The following ZNF43 variants were observed in gnomAD, a reference collection of about 807,000 sequenced individuals.
ZNF43 encodes zinc finger protein 39-like 1 (KOX 27).
Under a neutral mutation model 68.4 loss-of-function variants are expected in ZNF43, and 44 were observed. The ratio of observed to expected loss-of-function variants is 0.64; its 90% CI spans 0.51 to 0.83. The LOEUF is 0.83. Among genes scored for constraint, ZNF43 ranks in the 40% least tolerant of loss-of-function variants. ZNF43 has a pLI of 0.00. For synonymous variants in ZNF43, 308 were observed against 307.8 expected (o/e 1.00, Z -0.01); for missense variants, 896 against 933.2 (o/e 0.96, Z 0.52).
chr19:21,824,747 AAAAAG>A (rs2038029927), intron 1 of ZNF43, among the ~76,000 whole-genome samples: 1 of 151,724 alleles, frequency 6.6e-6, no homozygotes, highest in African/African-American at 2.4e-5. Context: ...AAAAAAAAAA[AAAAAG>A]AAAAAAGAAA....
At chr19:21,850,133 C>T (rs1251812998) in intron 1 of ZNF43, among the ~76,000 whole-genome samples, 1 of 151,906 alleles carries the variant, frequency 6.6e-6, no homozygotes, top group Non-Finnish European at 1.5e-5. Context: ...GTGGTCCAGG[C>T]CCAGGCAGGA....
intron 1 of ZNF43, among the ~76,000 whole-genome samples, chr19:21,824,110 CGGGAGGCGGAGCTT>C (rs1384794963): frequency 6.6e-6 from 1 of 152,048 alleles, no homozygotes; most frequent in Non-Finnish European, 1.5e-5. Context: ...GACATGAACC[CGGGAGGCGGAGCTT>C]GCAGTGCACC....
At chr19:21,833,271 A>C (rs2038510309) in intron 1 of ZNF43, among the ~76,000 whole-genome samples, 1 of 151,916 alleles carries the variant, frequency 6.6e-6, no homozygotes, top group African/African-American at 2.4e-5. Flanking sequence ...ATTTTATTTT[A>C]TTTATTTATT....
chr19:21,835,580 C>T (rs1286370334), intron 1 of ZNF43, among the ~76,000 whole-genome samples: 1 of 151,942 alleles, frequency 6.6e-6, no homozygotes, highest in African/African-American at 2.4e-5. Flanking sequence ...TGCTCTCGAA[C>T]TCCTCACCTC....
chr19:21,819,929 T>G (rs1338452470), intron 1 of ZNF43, among the ~76,000 whole-genome samples: 1 of 152,088 alleles, frequency 6.6e-6, no homozygotes, highest in Non-Finnish European at 1.5e-5. Flanking sequence ...CCGGGCATGG[T>G]GGCTCACACC....
chr19:21,851,978 G>A, exon 1 of ZNF43: 2 of 1,533,990 alleles, frequency 1.3e-6, no homozygotes, highest in East Asian at 2.5e-5. Flanking sequence ...CAGGGTAACG[G>A]AGGCTGCGAC....
At chr19:21,839,466 T>C (rs1967366510), upstream of ZNF43, 1 of 151,234 alleles carries the variant, frequency 6.6e-6, no homozygotes, top group South Asian at 2.1e-4. Flanking sequence ...GACTAAGCGA[T>C]ATGTTACAGT....
chr19:21,826,204 C>G (rs908302805), intron 1 of ZNF43, among the ~76,000 whole-genome samples: 33 of 152,108 alleles, frequency 2.2e-4, no homozygotes, highest in Non-Finnish European at 2.9e-4. Context: ...TAGGGGACAT[C>G]ATACACTTTG....
At position 21,836,133 on chromosome 19, in the gene ZNF43, G is replaced by A; in HGVS notation, c.-95C>T. 6 of 1,598,392 alleles carry A rather than the reference G, an allele frequency of 3.8e-6. No individual in the cohort carries two copies. Among genetic ancestry groups the A allele is most frequent in the Non-Finnish European group, 5.1e-6 (6 of 1,171,930 alleles). Reference sequence around the variant, plus strand: ...AGAGGCTGGACCTCTAGCAGCAGAGGACACAGAAGAACGAAGACGAGACGC... The same window carrying A: ...AGAGGCTGGACCTCTAGCAGCAGAGAACACAGAAGAACGAAGACGAGACGC... On this transcript the variant is annotated 5_prime_UTR_variant, in exon 1 of 4. Coordinates refer to ENST00000354959, the MANE Select transcript of ZNF43 (RefSeq NM_003423.4).
Position 21,808,879 on chromosome 19 carries a change from A to C in ZNF43, c.1158T>G (p.Thr386=), listed in dbSNP as rs1386562168. Residue 386 remains threonine, a synonymous_variant, in exon 4 of 4, where the codon ACT becomes ACG. Transcript: ENST00000354959. ...GEAFSRSSNL[T]KHKKIHTEKK... is the part of the protein sequence containing the mutation. ...TTTCAGTATGAATTTTCTTATGTTTAGTAAGGTTTGAGGACCGGCTAAAAG... is the reference window on the plus strand; with the variant it reads ...TTTCAGTATGAATTTTCTTATGTTTCGTAAGGTTTGAGGACCGGCTAAAAG... The C allele has an allele frequency of 6.2e-7, 1 of 1,613,838 alleles. No homozygotes were observed. Among genetic ancestry groups the C allele is most frequent in the Non-Finnish European group, 8.5e-7 (1 of 1,179,858 alleles).
At chr19:21,838,930 G>C (rs1382702318), upstream of ZNF43, 1 of 152,142 alleles carries the variant, frequency 6.6e-6, no homozygotes, top group Non-Finnish European at 1.5e-5. Context: ...TTAGAAATTT[G>C]TCGTAATCTT....
chr19:21,807,876 G>A lies in ZNF43; in HGVS notation c.2161C>T (p.Leu721Phe), dbSNP rs757759427. 8.7e-6 allele frequency: 14 copies of A among 1,613,024 alleles called. No homozygotes were observed. The highest frequency in any genetic ancestry group is 1.0e-5 in the Non-Finnish European group (12 of 1,179,748). The stretch of plus-strand genomic sequence containing the variant: ...GTATGAATTTTCTTATGTTCAATAA[G>A]GTTTGAGGATCGGTTAAAAGCTTTG... ...CGKAFNRSSN[L>F]IEHKKIHTGE... Residue 721 changes from leucine to phenylalanine, a missense_variant, in exon 4 of 4, where the codon CTT becomes TTT. By Grantham distance (22) the Leu-to-Phe change is conservative. Coordinates refer to ENST00000354959, the MANE Select transcript of ZNF43 (RefSeq NM_003423.4).
intron 1 of ZNF43, among the ~76,000 whole-genome samples, chr19:21,847,981 C>G (rs767728815): frequency 6.6e-6 from 1 of 151,980 alleles, no homozygotes; most frequent in African/African-American, 2.4e-5. Context: ...CACCACCATG[C>G]CCGGCTAATT....
chr19:21,835,833 G>A (rs998954412), intron 1 of ZNF43, among the ~76,000 whole-genome samples: 2 of 152,246 alleles, frequency 1.3e-5, no homozygotes, highest in Admixed American at 6.5e-5. Context: ...GAGGGCTGCA[G>A]GCCGGGACAC....
chr19:21,815,189 CAA>C (rs34985754), intron 3 of ZNF43, among the ~76,000 whole-genome samples: 22 of 129,800 alleles, frequency 1.7e-4, no homozygotes, highest in Non-Finnish European at 2.1e-4. Context: ...AACTCCATTT[CAA>C]AAAAAAAAAA....
intron 1 of ZNF43, among the ~76,000 whole-genome samples, chr19:21,820,469 T>G (rs2037767505): frequency 6.6e-6 from 1 of 150,528 alleles, no homozygotes; most frequent in Admixed American, 6.6e-5. Flanking sequence ...TCCCAGCTAC[T>G]CAGGTGGTTG....
Position 21,819,209 on chromosome 19 carries a change from A to T in ZNF43, c.16T>A (p.Phe6Ile). 6.3e-7 allele frequency: 1 copy of T among 1,597,688 alleles called. No individual in the cohort carries two copies. ...CAGAATTCTATGGCCACATCCATAA[A>T]TGTCAATGGTCCCTAAAAAAAACAA... The part of the protein sequence containing the change: MGPLT[F>I]MDVAIEFCLE... The change falls in exon 2 of 4, where the codon TTT becomes ATT. Residue 6 changes from phenylalanine (F) to isoleucine (I), a missense_variant. Transcript: ENST00000354959.
At position 21,821,332 on chromosome 19, in the gene ZNF43, G is replaced by A. The variant is rs780757497; in HGVS notation, c.4-2111C>T. ...TGCTATTTTTTTTGTATTTTTTTTCGTAGAGACGGGGTTTCACCGTGTTAC... is the reference window on the plus strand; with the variant it reads ...TGCTATTTTTTTTGTATTTTTTTTCATAGAGACGGGGTTTCACCGTGTTAC... On this transcript the variant is annotated intron_variant, in intron 1 of 3. Transcript: ENST00000354959. Among the ~76,000 whole-genome samples, 4 of 151,310 alleles carry A rather than the reference G, an allele frequency of 2.6e-5. No individual in the cohort carries two copies. The East Asian group carries it at 5.8e-4, about 22-fold the overall frequency.
At chr19:21,837,879 CCTCTCT>C (rs902848140), upstream of ZNF43, 1 of 152,268 alleles carries the variant, frequency 6.6e-6, no homozygotes, top group African/African-American at 2.4e-5. Flanking sequence ...CCTCCTCCTT[CCTCTCT>C]CTCTTTCTTG....
Sources: gnomAD v4.1 joint callset for allele counts (sites outside exome capture counted in the v4.1 genomes callset) on GRCh38, gnomAD v4.1.1 for gene constraint, MANE v1.5 for transcripts, NCBI Gene and HGNC (gene_info 2026-07-23, HGNC 2026-07-21) for gene names.